FER: variants seen among roughly 807,000 people sequenced by gnomAD.
The protein encoded by FER is tyrosine-protein kinase Fer.
FER carries 63 observed loss-of-function variants against 111.0 expected under a neutral mutation model. The observed-to-expected ratio is 0.57, with a 90% CI of 0.46 to 0.70. The LOEUF is 0.70. FER is among the 30% of genes least tolerant of loss of function. FER has a pLI of 0.00. For missense variants in FER, 914 were observed against 954.0 expected (o/e 0.96, Z 0.55); for synonymous variants, 327 against 313.9 (o/e 1.04, Z -0.44).
chr5:108,833,603 G>A (rs1037978658), intron 4 of FER, among the ~76,000 whole-genome samples: 2 of 151,728 alleles, frequency 1.3e-5, no homozygotes, highest in African/African-American at 2.4e-5. Flanking sequence ...GGCCAGATGC[G>A]GTACCTCACA....
intron 5 of FER, among the ~76,000 whole-genome samples, chr5:108,846,209 G>A (rs2150173538): frequency 6.6e-6 from 1 of 152,182 alleles, no homozygotes; most frequent in East Asian, 1.9e-4. Flanking sequence ...GAAACCATCT[G>A]GATCTGCTTG....
At chr5:109,024,763 T>G (rs1237146005) in intron 13 of FER, among the ~76,000 whole-genome samples, 2 of 152,184 alleles carry the variant, frequency 1.3e-5, no homozygotes, top group African/African-American at 4.8e-5. Context: ...ACATCATGTT[T>G]AAGTCTTTAA....
At chr5:108,894,284 G>T in intron 9 of FER, 3 of 600,272 alleles carry the variant, frequency 5.0e-6, no homozygotes, top group South Asian at 4.1e-5. Context: ...GGCATTAGGG[G>T]TTCAGGTTGG....
chr5:109,147,187 T>C (rs1477838225), intron 17 of FER, among the ~76,000 whole-genome samples: 2 of 151,742 alleles, frequency 1.3e-5, no homozygotes, highest in Non-Finnish European at 2.9e-5. Context: ...ATTTAAAAAA[T>C]GTTAAAATTG....
rs188777958 is a variant in FER at position 108,825,748 on chromosome 5, A to G, written c.208-7022A>G. Among the ~76,000 whole-genome samples, 147 of 152,312 alleles carry G rather than the reference A, an allele frequency of 9.7e-4. 2 individuals are homozygous for G. Among genetic ancestry groups the G allele is most frequent in the Admixed American group, 9.4e-3 (143 of 15,292 alleles). On this transcript the variant is annotated intron_variant, in intron 3 of 19. Transcript: ENST00000281092. ...ATTACAGTAAAGACAGGCATAAGAA[A>G]TTACCAAAGTATTAATTTGGGGGAA...
At chr5:108,788,547 T>TC (rs1267482721) in intron 2 of FER, among the ~76,000 whole-genome samples, 2 of 151,774 alleles carry the variant, frequency 1.3e-5, no homozygotes, top group Non-Finnish European at 1.5e-5. Context: ...TTTTTTTTTT[T>TC]CCCTCCTGAT....
chr5:109,027,550 T>G (rs1223321643), intron 13 of FER, among the ~76,000 whole-genome samples: 1 of 152,204 alleles, frequency 6.6e-6, no homozygotes, highest in Admixed American at 6.5e-5. Flanking sequence ...TCACTCTGAC[T>G]TACCTACTTG....
intron 10 of FER, among the ~76,000 whole-genome samples, chr5:108,939,114 T>C (rs182125016): frequency 4.9e-4 from 75 of 152,214 alleles, no homozygotes; most frequent in South Asian, 2.9e-3. Context: ...TCCATACTTT[T>C]GAGCAGTTGT....
chr5:108,760,923 CTTTCT>C (rs897330696), intron 1 of FER, among the ~76,000 whole-genome samples: 2 of 150,682 alleles, frequency 1.3e-5, no homozygotes, highest in African/African-American at 4.9e-5. Context: ...CTTATTTTGG[CTTTCT>C]TTTCTTTTCT....
chr5:108,846,013 G>A (rs1369327368), intron 5 of FER, among the ~76,000 whole-genome samples: 1 of 152,028 alleles, frequency 6.6e-6, no homozygotes, highest in Non-Finnish European at 1.5e-5. Context: ...TAAATTGTTG[G>A]ATGTGATTTG....
At chr5:109,068,333 G>A (rs929161246) in intron 16 of FER, among the ~76,000 whole-genome samples, 11 of 151,982 alleles carry the variant, frequency 7.2e-5, no homozygotes, top group African/African-American at 1.2e-4. Flanking sequence ...ATAGGCGCCC[G>A]CCTCCACACC....
intron 10 of FER, among the ~76,000 whole-genome samples, chr5:108,905,987 C>CT (rs1348468126): frequency 1.3e-5 from 2 of 152,142 alleles, no homozygotes; most frequent in African/African-American, 4.8e-5. Context: ...AATCTTTGCT[C>CT]TAGGGAGAGC....
chr5:108,761,035 A>G (rs1238663543), intron 1 of FER, among the ~76,000 whole-genome samples: 3 of 151,916 alleles, frequency 2.0e-5, no homozygotes, highest in Non-Finnish European at 4.4e-5. Flanking sequence ...GGTTCAAGCA[A>G]TTCTCCTGCC....
chr5:109,120,700 C>CT (rs1750858624), intron 17 of FER, among the ~76,000 whole-genome samples: 1 of 151,934 alleles, frequency 6.6e-6, no homozygotes. Flanking sequence ...GTTGTATGGA[C>CT]TTTTTAACAA....
At chr5:108,757,217 T>C (rs1268905142) in intron 1 of FER, among the ~76,000 whole-genome samples, 1 of 152,194 alleles carries the variant, frequency 6.6e-6, no homozygotes, top group Admixed American at 6.5e-5. Context: ...TGTTGAAATA[T>C]TTGCAGTTTT....
intron 5 of FER, among the ~76,000 whole-genome samples, chr5:108,845,039 T>TACATATATATATATATATATATATATAC (rs1761844667): frequency 1.9e-5 from 1 of 52,114 alleles, no homozygotes; most frequent in Non-Finnish European, 3.6e-5. Context: ...TATATATATA[T>TACATATATATATATATATATATATATAC]ACATATATAT....
intron 13 of FER, 69 bp from the exon 14 acceptor site, chr5:109,037,353 G>A (rs1028294191): frequency 2.2e-6 from 3 of 1,339,212 alleles, no homozygotes; most frequent in Non-Finnish European, 3.2e-6. Context: ...ACTTTCCACT[G>A]GCTCAAATGC....
chr5:109,093,623 T>C (rs1418982424), intron 16 of FER, among the ~76,000 whole-genome samples: 1 of 152,176 alleles, frequency 6.6e-6, no homozygotes, highest in African/African-American at 2.4e-5. Context: ...TGGGTTATGA[T>C]ACATTCAATT....
At chr5:108,818,732 A>C (rs1235436087) in intron 3 of FER, among the ~76,000 whole-genome samples, 1 of 152,138 alleles carries the variant, frequency 6.6e-6, no homozygotes, top group Non-Finnish European at 1.5e-5. Context: ...GAGATGGGTC[A>C]TTACTTTAGT....
Sources: allele counts gnomAD v4.1 joint callset (sites outside exome capture counted in the v4.1 genomes callset), GRCh38; gene constraint gnomAD v4.1.1; transcripts MANE v1.5; gene names NCBI Gene and HGNC (gene_info 2026-07-23, HGNC 2026-07-21).